The following LRRC4C variants were observed in gnomAD, a reference collection of about 807,000 sequenced individuals.
LRRC4C encodes leucine-rich repeat-containing protein 4C.
A neutral mutation model predicts 33.6 loss-of-function variants in LRRC4C; 5 were observed. The observed-to-expected ratio is 0.15, with a 90% confidence interval of 0.08 to 0.31. The LOEUF is 0.31. Among genes scored for constraint, LRRC4C ranks in the 10% least tolerant of loss-of-function variants. The probability of loss-of-function intolerance (pLI) is 1.00; values close to 1 mark genes in which losing one functional copy is unlikely to be tolerated. For synonymous variants in LRRC4C, 329 were observed against 302.0 expected (o/e 1.09, Z -0.93); for missense variants, 560 against 796.7 (o/e 0.70, Z 3.58).
intron 3 of LRRC4C, among the ~76,000 whole-genome samples, chr11:40,619,215 G>A (rs1962189602): frequency 6.6e-6 from 1 of 151,676 alleles, no homozygotes; most frequent in African/African-American, 2.4e-5. Context: ...CCTACTACTT[G>A]ATAGTACAAT....
chr11:40,465,168 C>T (rs1952591551), intron 3 of LRRC4C, among the ~76,000 whole-genome samples: 1 of 151,816 alleles, frequency 6.6e-6, no homozygotes, highest in Non-Finnish European at 1.5e-5. Context: ...TACCTATAGA[C>T]AACCAATCTT....
At chr11:41,341,047 G>A (rs1951619310) in intron 1 of LRRC4C, among the ~76,000 whole-genome samples, 1 of 151,390 alleles carries the variant, frequency 6.6e-6, no homozygotes. Context: ...GGAAGGTAGA[G>A]AGAGAAAAGG....
intron 1 of LRRC4C, among the ~76,000 whole-genome samples, chr11:40,941,957 A>G (rs1166202371): frequency 1.3e-5 from 2 of 152,166 alleles, no homozygotes; most frequent in African/African-American, 4.8e-5. Context: ...GCACTGAGAC[A>G]GGGTTAGACA....
At chr11:40,715,463 G>A (rs1185456344) in intron 2 of LRRC4C, among the ~76,000 whole-genome samples, 4 of 152,210 alleles carry the variant, frequency 2.6e-5, no homozygotes, top group African/African-American at 4.8e-5. Flanking sequence ...TAGTACCACT[G>A]TATTGGAAAG....
chr11:41,082,280 C>G (rs1939633985), intron 1 of LRRC4C, among the ~76,000 whole-genome samples: 1 of 152,170 alleles, frequency 6.6e-6, no homozygotes, highest in Non-Finnish European at 1.5e-5. Context: ...GACTGTTCTC[C>G]TGCTGGACTT....
intron 1 of LRRC4C, among the ~76,000 whole-genome samples, chr11:41,007,645 G>T (rs1228522855): frequency 1.3e-5 from 2 of 152,104 alleles, no homozygotes; most frequent in African/African-American, 4.8e-5. Context: ...TCATTGAACA[G>T]GTGATGTATA....
intron 1 of LRRC4C, among the ~76,000 whole-genome samples, chr11:41,060,317 G>A (rs1051994975): frequency 1.3e-5 from 2 of 152,146 alleles, no homozygotes; most frequent in African/African-American, 2.4e-5. Flanking sequence ...AAACTTGTAA[G>A]ATTCAAAACA....
intron 1 of LRRC4C, among the ~76,000 whole-genome samples, chr11:40,995,660 G>T (rs1267987173): frequency 5.9e-5 from 9 of 152,020 alleles, no homozygotes; most frequent in Admixed American, 5.9e-4. Context: ...TAAGAAAAAA[G>T]ACTAGGGAGT....
intron 2 of LRRC4C, among the ~76,000 whole-genome samples, chr11:40,697,993 G>A (rs1418723534): frequency 6.6e-6 from 1 of 151,270 alleles, no homozygotes; most frequent in Non-Finnish European, 1.5e-5. Context: ...GCATGAACCC[G>A]GGAGGCAGAG....
intron 1 of LRRC4C, among the ~76,000 whole-genome samples, chr11:40,969,419 G>A (rs943568551): frequency 1.8e-4 from 27 of 147,264 alleles, no homozygotes; most frequent in African/African-American, 6.7e-4. Context: ...GGGTTTGAAA[G>A]TTTTACTGTG....
At chr11:40,502,741 C>T (rs1448467820) in intron 3 of LRRC4C, among the ~76,000 whole-genome samples, 1 of 152,056 alleles carries the variant, frequency 6.6e-6, no homozygotes, top group Non-Finnish European at 1.5e-5. Flanking sequence ...TGTAGCTCTG[C>T]CTTATGACTA....
chr11:40,977,219 G>A (rs115576958), intron 1 of LRRC4C, among the ~76,000 whole-genome samples: 4,529 of 152,132 alleles, frequency 0.03, 226 homozygotes, highest in African/African-American at 0.1. Flanking sequence ...ATGAAGTTTT[G>A]CTCACTGGCC....
intron 1 of LRRC4C, among the ~76,000 whole-genome samples, chr11:41,239,637 T>C (rs1948170624): frequency 6.6e-6 from 1 of 152,162 alleles, no homozygotes; most frequent in Admixed American, 6.5e-5. Context: ...ATTTACATAC[T>C]CCATTCTGTC....
chr11:40,574,850 G>T (rs555607830), intron 3 of LRRC4C, among the ~76,000 whole-genome samples: 1 of 152,218 alleles, frequency 6.6e-6, no homozygotes, highest in South Asian at 2.1e-4. Flanking sequence ...AGCTGCTCTT[G>T]CCCACCTTGA....
chr11:41,408,143 G>A (rs1297411708), intron 1 of LRRC4C, among the ~76,000 whole-genome samples: 1 of 152,082 alleles, frequency 6.6e-6, no homozygotes, highest in Non-Finnish European at 1.5e-5. Flanking sequence ...ATGTGTACAG[G>A]GTGAAACAGG....
At chr11:40,889,060 T>A (rs1337499793) in intron 2 of LRRC4C, among the ~76,000 whole-genome samples, 1 of 152,164 alleles carries the variant, frequency 6.6e-6, no homozygotes, top group East Asian at 1.9e-4. Flanking sequence ...GTGTACCATA[T>A]AACCCAGCTA....
At chr11:40,125,211 T>G (rs1011794762) in intron 6 of LRRC4C, among the ~76,000 whole-genome samples, 4 of 152,074 alleles carry the variant, frequency 2.6e-5, no homozygotes, top group Non-Finnish European at 4.4e-5. Context: ...TTTCAGGAAT[T>G]TTTTTCTCCC....
At chr11:41,013,318 T>A (rs540048382) in intron 1 of LRRC4C, among the ~76,000 whole-genome samples, 2 of 152,328 alleles carry the variant, frequency 1.3e-5, no homozygotes, top group South Asian at 4.1e-4. Context: ...CGTTTTTAAT[T>A]TTGGGCATTT....
rs151111528 is a variant in LRRC4C, at chr11:41,220,896, G to A, written c.-496+238535C>T. Among the ~76,000 whole-genome samples the A allele has an allele frequency of 7.2e-5, 11 of 152,196 alleles. No homozygotes were observed. The East Asian group carries it at 1.9e-3, about 27-fold the overall frequency. On this transcript the variant is annotated intron_variant, in intron 1 of 6. Coordinates refer to ENST00000528697, the MANE Select transcript of LRRC4C (RefSeq NM_001258419.2). ...TATAGAAATGAATAAAACAGATTAC[G>A]TCTCTGACTTTGTGAACTTGAGTTA...
Sources: allele counts gnomAD v4.1 joint callset (sites outside exome capture counted in the v4.1 genomes callset), GRCh38; gene constraint gnomAD v4.1.1; transcripts MANE v1.5; gene names NCBI Gene and HGNC (gene_info 2026-07-23, HGNC 2026-07-21).